TRERF1: variants seen among roughly 807,000 people sequenced by gnomAD.
TRERF1 encodes the protein transcriptional-regulating factor 1.
In TRERF1, 27 loss-of-function variants were observed where a neutral mutation model predicts 122.9. That is an observed-to-expected ratio of 0.22 (90% CI 0.16 to 0.30). The LOEUF is 0.30. TRERF1 is among the 10% of genes least tolerant of loss of function. The pLI is 1.00. For synonymous variants in TRERF1, 636 were observed against 641.7 expected, an observed-to-expected ratio of 0.99 and a Z score of 0.13; for missense variants, 1,248 against 1,560.3, an observed-to-expected ratio of 0.80 and a Z score of 3.37.
intron 2 of TRERF1, among the ~76,000 whole-genome samples, chr6:42,424,051 A>G (rs1046885120): frequency 3.0e-4 from 46 of 152,256 alleles, no homozygotes; most frequent in Non-Finnish European, 1.0e-4. Flanking sequence ...AAACCATTAC[A>G]TGTAGATGTT....
chr6:42,231,921 A>C (rs1341271550), intron 17 of TRERF1, among the ~76,000 whole-genome samples: 1 of 152,242 alleles, frequency 6.6e-6, no homozygotes, highest in Admixed American at 6.5e-5. Context: ...TTTGTAAAAC[A>C]AAGATAAAAA....
At chr6:42,309,991 T>C (rs747428788) in intron 3 of TRERF1, among the ~76,000 whole-genome samples, 23 of 152,162 alleles carry the variant, frequency 1.5e-4, no homozygotes, top group Admixed American at 4.6e-4. Context: ...CTCCAACTCC[T>C]AGGCTGAAGC....
chr6:42,448,767 C>CT (rs2151839538), intron 2 of TRERF1, among the ~76,000 whole-genome samples: 1 of 152,360 alleles, frequency 6.6e-6, no homozygotes, highest in East Asian at 1.9e-4. Flanking sequence ...CATCAAACTA[C>CT]TTTAAGTTCT....
Position 42,303,904 on chromosome 6 carries a change from T to TA in TRERF1, c.-370-3156dup, listed in dbSNP as rs60880174. ...GGTGACAGAGGGAGACACTGTCTCA[T>TA]AAAAAAAAAAAAAAAAAAAAAAAAA... On this transcript the variant is annotated intron_variant, in intron 3 of 17. Coordinates refer to ENST00000372922, the Ensembl canonical transcript of TRERF1. Among the ~76,000 whole-genome samples the TA allele has an allele frequency of 1.7e-3, 115 of 69,234 alleles. 5 individuals carry two copies. Among genetic ancestry groups the TA allele is most frequent in the Middle Eastern group, 9.4e-3 (1 of 106 alleles). 45.4% of individuals were successfully genotyped at this position (69,234 alleles called of 152,430 possible).
intron 2 of TRERF1, among the ~76,000 whole-genome samples, 198 bp from the exon 3 acceptor site, chr6:42,363,277 A>G (rs1641806695): frequency 6.6e-6 from 1 of 152,210 alleles, no homozygotes. Context: ...TTAGGAGACC[A>G]AGACGTTCAA....
At chr6:42,280,819 T>G (rs756610175) in intron 4 of TRERF1, among the ~76,000 whole-genome samples, 9 of 152,164 alleles carry the variant, frequency 5.9e-5, no homozygotes, top group Non-Finnish European at 1.0e-4. Context: ...CCATGGGAGC[T>G]GCAGAGAAAG....
At chr6:42,344,063 T>C (rs1678316947) in intron 3 of TRERF1, among the ~76,000 whole-genome samples, 1 of 152,202 alleles carries the variant, frequency 6.6e-6, no homozygotes, top group South Asian at 2.1e-4. Flanking sequence ...AGGCCAACGC[T>C]TCCTGGGCAT....
At chr6:42,326,026 C>A (rs541439274) in intron 3 of TRERF1, among the ~76,000 whole-genome samples, 1 of 152,110 alleles carries the variant, frequency 6.6e-6, no homozygotes, top group East Asian at 1.9e-4. Context: ...CTACAAAATG[C>A]GGGAGGGTGG....
intron 3 of TRERF1, among the ~76,000 whole-genome samples, chr6:42,355,553 G>A (rs538076746): frequency 6.6e-6 from 1 of 152,302 alleles, no homozygotes; most frequent in African/African-American, 2.4e-5. Flanking sequence ...CTTGAAAGAA[G>A]GATCTGGAAG....
At chr6:42,401,394 T>A (rs1339597518) in intron 2 of TRERF1, among the ~76,000 whole-genome samples, 1 of 152,150 alleles carries the variant, frequency 6.6e-6, no homozygotes, top group Admixed American at 6.5e-5. Flanking sequence ...TACTATGCTG[T>A]AGGCCTACAC....
At chr6:42,424,140 T>C (rs1295894243) in intron 2 of TRERF1, among the ~76,000 whole-genome samples, 1 of 152,256 alleles carries the variant, frequency 6.6e-6, no homozygotes, top group African/African-American at 2.4e-5. Context: ...GATGGGCATT[T>C]GGCTTTCCAG....
intron 3 of TRERF1, among the ~76,000 whole-genome samples, chr6:42,331,847 G>C (rs993768978): frequency 6.6e-6 from 1 of 152,234 alleles, no homozygotes; most frequent in Admixed American, 6.5e-5. Flanking sequence ...TCCACCCCCA[G>C]CCTCCCTTTC....
chr6:42,259,573 C>G lies in TRERF1; in HGVS notation c.2035G>C (p.Gly679Arg). The G allele has an allele frequency of 6.2e-7, 1 of 1,613,778 alleles. No homozygotes were observed. Among genetic ancestry groups the G allele is most frequent in the Non-Finnish European group, 8.5e-7 (1 of 1,179,878 alleles). The stretch of plus-strand genomic sequence containing the variant: ...AGCTGGCTCTGGTACAGGGTGGCGC[C>G]CGAGTAGGAGGCAGCGGGGTTCGGG... Residue 679 changes from glycine (G) to arginine (R), a missense_variant, in exon 9 of 18, where the codon GGC becomes CGC. Transcript: ENST00000372922. This position sits in a 1 kb window ranked among gnomAD's most constrained non-coding sequence, Gnocchi z 4.9.
chr6:42,442,411 G>T (rs1410719943), intron 2 of TRERF1, among the ~76,000 whole-genome samples: 2 of 152,080 alleles, frequency 1.3e-5, no homozygotes, highest in Non-Finnish European at 2.9e-5. Context: ...GCTGTCCAGG[G>T]CCCTGTTATC....
In TRERF1 at chr6:42,263,858, C is replaced by T. The variant is rs1161746110; in HGVS notation, c.1636-290G>A. Among the ~76,000 whole-genome samples the T allele has an allele frequency of 3.3e-5, 5 of 152,174 alleles. No individual in the cohort carries two copies. Among genetic ancestry groups the T allele is most frequent in the African/African-American group, 7.2e-5 (3 of 41,426 alleles). ...TGTCATGCTTTTAAAGAAAGGGACA[C>T]GGACTTGTAATCAGTCCAAAAGAAG... On this transcript the variant is annotated intron_variant, in intron 7 of 17. Coordinates refer to ENST00000372922, the Ensembl canonical transcript of TRERF1. This position sits in a 1 kb window ranked among gnomAD's most constrained non-coding sequence, Gnocchi z 5.6.
intron 4 of TRERF1, among the ~76,000 whole-genome samples, chr6:42,277,685 TACAA>T (rs1175615316): frequency 2.0e-5 from 3 of 152,074 alleles, no homozygotes; most frequent in Non-Finnish European, 4.4e-5. Flanking sequence ...ACCCCATTTC[TACAA>T]ACAATTAGCT....
chr6:42,325,048 A>G (rs1184296207), intron 3 of TRERF1, among the ~76,000 whole-genome samples: 2 of 152,206 alleles, frequency 1.3e-5, no homozygotes, highest in Non-Finnish European at 2.9e-5. Flanking sequence ...ACTTAAATAA[A>G]TCAACAAGAA....
chr6:42,429,224 C>T lies in TRERF1; in HGVS notation c.-454+21953G>A, dbSNP rs200632924. The stretch of plus-strand genomic sequence containing the variant: ...ACTTCTCTCTCCTTTCCTCTCCAGT[C>T]TGCTTCCTTTTTTCTTCCATCCTGA... On this transcript the variant is annotated intron_variant, in intron 2 of 17. Coordinates refer to ENST00000372922, the Ensembl canonical transcript of TRERF1. Among the ~76,000 whole-genome samples, 3 of 152,244 alleles carry T rather than the reference C, an allele frequency of 2.0e-5. No individual in the cohort carries two copies. In the East Asian group the frequency reaches 5.8e-4, roughly 29 times the overall value.
At position 42,259,441 on chromosome 6, in the gene TRERF1, G is replaced by A. The variant is rs764713430; in HGVS notation, c.2167C>T (p.Leu723Phe). The A allele has an allele frequency of 6.3e-7, 1 of 1,597,358 alleles. No individual in the cohort carries two copies. Among genetic ancestry groups the A allele is most frequent in the South Asian group, 1.1e-5 (1 of 89,724 alleles). Reference sequence around the variant, plus strand: ...CCGGAGATGAGGACATTGCTGAAGAGCCCCGAGCCCTGGCGCACCGGGCTC... The same window carrying A: ...CCGGAGATGAGGACATTGCTGAAGAACCCCGAGCCCTGGCGCACCGGGCTC... Residue 723 changes from leucine (L) to phenylalanine (F), a missense_variant, in exon 9 of 18, where the codon CTC becomes TTC. Transcript: ENST00000372922. This position sits in a 1 kb window ranked among gnomAD's most constrained non-coding sequence, Gnocchi z 4.9.
Sources: gnomAD v4.1 joint callset for allele counts (sites outside exome capture counted in the v4.1 genomes callset) on GRCh38, gnomAD v4.1.1 for gene constraint, Gnocchi (gnomAD v3.1) non-coding constraint, MANE v1.5 for transcripts, NCBI Gene and HGNC (gene_info 2026-07-23, HGNC 2026-07-21) for gene names.